Variants in ARHGAP21 observed in about 807,000 individuals in gnomAD.
The protein encoded by ARHGAP21 is rho GTPase-activating protein 21.
A neutral mutation model predicts 164.6 loss-of-function variants in ARHGAP21; 38 were observed. That is an observed-to-expected ratio of 0.23 (90% confidence interval 0.18 to 0.30). The LOEUF (loss-of-function observed/expected upper bound fraction) is 0.30. ARHGAP21 is among the 10% of genes least tolerant of loss of function. The pLI is 1.00. For synonymous variants in ARHGAP21, 766 were observed against 857.9 expected (o/e 0.89, Z 1.87); for missense variants, 1,822 against 2,370.7 (o/e 0.77, Z 4.81).
intron 2 of ARHGAP21, among the ~76,000 whole-genome samples, chr10:24,708,240 T>C (rs1209025783): frequency 6.6e-6 from 1 of 152,124 alleles, no homozygotes; most frequent in East Asian, 1.9e-4. Context: ...GTCCCTTAAT[T>C]GGTGGTGTTC....
At position 24,607,549 on chromosome 10, in the gene ARHGAP21, T is replaced by A; in HGVS notation, c.2634A>T (p.Arg878Ser). The change falls in exon 11 of 26, where the codon AGA (arginine) becomes AGT (serine). Residue 878 changes from arginine to serine, a missense_variant. By Grantham distance (110) the Arg-to-Ser change is moderately radical (BLOSUM62 -1). Transcript: ENST00000396432. The part of the protein sequence containing the change: ...LDAQPNSKTE[R>S]SKSYDEGLDD... ...CCAGACCCTCATCATATGATTTTGA[T>A]CTTTCTGTCTTTGAGTTGGGCTGAG... The A allele has an allele frequency of 1.9e-6, 3 of 1,614,060 alleles. No homozygotes were observed. The highest frequency in any genetic ancestry group is 2.5e-6 in the Non-Finnish European group (3 of 1,180,024).
At chr10:24,609,348 G>C (rs775459788) in intron 9 of ARHGAP21, among the ~76,000 whole-genome samples, 2 of 152,108 alleles carry the variant, frequency 1.3e-5, no homozygotes, top group African/African-American at 2.4e-5. Flanking sequence ...CTATATTTTG[G>C]AGAACATTTC....
rs1015953329 is a variant in ARHGAP21 at position 24,723,627 on chromosome 10, C to A, written c.-446G>T. On this transcript the variant is annotated 5_prime_UTR_variant, in exon 1 of 26. Transcript: ENST00000396432. ...GCTCCGGGACAGCGCGCCCCGCCCG[C>A]CCGCCCGGCGTGAGCCGGACCCCGC... is the stretch of plus-strand genomic sequence containing the variant. 3 of 147,442 alleles carry A rather than the reference C, an allele frequency of 2.0e-5. No individual in the cohort carries two copies. Among genetic ancestry groups the A allele is most frequent in the African/African-American group, 7.3e-5 (3 of 40,844 alleles). 9.1% of individuals were successfully genotyped at this position (147,442 alleles called of 1,614,324 possible).
At position 24,673,548 on chromosome 10, in the gene ARHGAP21, A is replaced by G. The variant is rs1034348011; in HGVS notation, c.64-3151T>C. On this transcript the variant is annotated intron_variant, in intron 2 of 25. Transcript: ENST00000396432. ...ACTTTGATCTGTAACTCGTATCACA[A>G]ACAAAAATTAACTCAAATGATCATA... 8.5e-5 allele frequency among the ~76,000 whole-genome samples: 13 copies of G among 152,232 alleles called. 1 individual carries two copies. The highest frequency in any genetic ancestry group is 1.5e-5 in the Non-Finnish European group (1 of 68,040).
intron 9 of ARHGAP21, among the ~76,000 whole-genome samples, chr10:24,613,368 G>A (rs2077347931): frequency 6.6e-6 from 1 of 152,042 alleles, no homozygotes; most frequent in Non-Finnish European, 1.5e-5. Context: ...AACTGGTGAT[G>A]GGTGCCCATC....
At chr10:24,602,191 T>G (rs982404342) in intron 12 of ARHGAP21, 88 bp from the exon 13 acceptor site, 2 of 1,459,886 alleles carry the variant, frequency 1.4e-6, no homozygotes, top group African/African-American at 2.9e-5. Context: ...GAAAACTTTA[T>G]TTAATGTTTC....
intron 2 of ARHGAP21, among the ~76,000 whole-genome samples, chr10:24,684,790 C>T (rs575516914): frequency 6.6e-6 from 1 of 152,308 alleles, no homozygotes; most frequent in Non-Finnish European, 1.5e-5. Flanking sequence ...AGGCGCCCGC[C>T]ATCTTGCCCG....
chr10:24,635,351 T>C (rs1013044887), intron 4 of ARHGAP21, among the ~76,000 whole-genome samples: 1 of 152,222 alleles, frequency 6.6e-6, no homozygotes, highest in Non-Finnish European at 1.5e-5. Context: ...ACATTCCGTA[T>C]GTCAGTTGCC....
intron 14 of ARHGAP21, among the ~76,000 whole-genome samples, chr10:24,599,334 CTGT>C (rs763169376): frequency 1.7e-4 from 26 of 152,160 alleles, no homozygotes; most frequent in South Asian, 4.1e-4. Context: ...CTTATTCTCC[CTGT>C]TTATTTTGCA....
intron 7 of ARHGAP21, among the ~76,000 whole-genome samples, chr10:24,626,649 G>A (rs1179012936): frequency 6.6e-6 from 1 of 152,178 alleles, no homozygotes; most frequent in Non-Finnish European, 1.5e-5. Context: ...GACTAAGAGA[G>A]TCAGCATCAT....
intron 2 of ARHGAP21, among the ~76,000 whole-genome samples, chr10:24,672,153 C>A (rs1013265154): frequency 4.6e-5 from 7 of 152,174 alleles, no homozygotes; most frequent in South Asian, 2.1e-4. Context: ...CCTTCCATTT[C>A]TCTGAAATCC....
At chr10:24,622,541 A>C (rs1258883982) in intron 8 of ARHGAP21, among the ~76,000 whole-genome samples, 192 bp downstream of exon 8, 2 of 148,956 alleles carry the variant, frequency 1.3e-5, no homozygotes, top group Admixed American at 1.3e-4. Flanking sequence ...ATACAAAAGA[A>C]AACCAAACAT....
chr10:24,632,863 T>C (rs1223413748), intron 6 of ARHGAP21, among the ~76,000 whole-genome samples: 1 of 152,180 alleles, frequency 6.6e-6, no homozygotes, highest in Admixed American at 6.5e-5. Context: ...TAGGACTAAA[T>C]GATCTTCGAG....
intron 4 of ARHGAP21, among the ~76,000 whole-genome samples, chr10:24,664,870 A>T (rs1840045082): frequency 6.6e-6 from 1 of 152,142 alleles, no homozygotes; most frequent in African/African-American, 2.4e-5. Flanking sequence ...TTCCCTTATA[A>T]ATATTCAAGT....
intron 11 of ARHGAP21, among the ~76,000 whole-genome samples, chr10:24,607,061 C>T (rs2077056512): frequency 6.6e-6 from 1 of 152,074 alleles, no homozygotes; most frequent in Non-Finnish European, 1.5e-5. Context: ...ATTAAAAAAT[C>T]ATGAAACAGC....
chr10:24,628,794 TACACATATATAC>T (rs1368258554), intron 7 of ARHGAP21, among the ~76,000 whole-genome samples: 1 of 115,510 alleles, frequency 8.7e-6, no homozygotes, highest in Non-Finnish European at 1.9e-5. Context: ...CACACATATA[TACACATATATAC>T]ATATATATAC....
At position 24,590,508 on chromosome 10, in the gene ARHGAP21, T is replaced by G. The variant is rs1480654989; in HGVS notation, c.4150+717A>C. 2.6e-6 allele frequency: 4 copies of G among 1,532,616 alleles called. No individual in the cohort carries two copies. In the South Asian group the frequency reaches 3.6e-5, roughly 14 times the overall value. 94.9% of individuals were successfully genotyped at this position (1,532,616 alleles called of 1,614,324 possible). ...TTCAACATCAGTATAGATTTGCCTG[T>G]GTCAGTAAGAGCTGAAAAAACCCTT... On this transcript the variant is annotated intron_variant, in intron 24 of 25. Transcript: ENST00000396432.
intron 2 of ARHGAP21, chr10:24,706,455 A>C (rs575283510): frequency 6.5e-6 from 1 of 152,776 alleles, no homozygotes; most frequent in African/African-American, 2.4e-5. Flanking sequence ...TGCTTTATAC[A>C]TCATAGCAGT....
At chr10:24,610,877 C>T (rs574371713) in intron 9 of ARHGAP21, among the ~76,000 whole-genome samples, 1 of 152,168 alleles carries the variant, frequency 6.6e-6, no homozygotes, top group East Asian at 1.9e-4. Flanking sequence ...GAAAAGACAA[C>T]TCATGGAAGA....
Sources: allele counts gnomAD v4.1 joint callset (sites outside exome capture counted in the v4.1 genomes callset), GRCh38; gene constraint gnomAD v4.1.1; transcripts MANE v1.5; gene names NCBI Gene and HGNC (gene_info 2026-07-23, HGNC 2026-07-21).